The following FGD6 variants were observed in gnomAD, a reference collection of about 807,000 sequenced individuals.
FGD6 encodes the protein FYVE, RhoGEF and PH domain-containing protein 6.
A neutral mutation model predicts 149.4 loss-of-function variants in FGD6; 90 were observed. The observed-to-expected ratio is 0.60, with a 90% CI of 0.51 to 0.72. FGD6 has a LOEUF of 0.72. Among genes scored for constraint, FGD6 ranks in the 30% least tolerant of loss-of-function variants. The pLI is 0.00. For missense variants in FGD6, 1,437 were observed against 1,684.8 expected (o/e 0.85, Z 2.57); for synonymous variants, 527 against 584.0 (o/e 0.90, Z 1.41).
chr12:95,091,237 G>T (rs1878044600), intron 17 of FGD6, among the ~76,000 whole-genome samples: 1 of 152,194 alleles, frequency 6.6e-6, no homozygotes. Context: ...CAGGGAAATA[G>T]GAAGTATCAT....
chr12:95,171,324 G>A lies in FGD6; in HGVS notation c.2586+1276C>T, dbSNP rs564707589. Among the ~76,000 whole-genome samples the A allele has an allele frequency of 3.3e-5, 5 of 152,220 alleles. 1 individual carries two copies. Among genetic ancestry groups the A allele is most frequent in the African/African-American group, 1.2e-4 (5 of 41,542 alleles). ...TGGCACAGGAATTAGGCGAAATTAT[G>A]GCACATGAATTTTCTCCATGGCTTG... On this transcript the variant is annotated intron_variant, in intron 3 of 20. Transcript: ENST00000343958.
rs1158378434 is a variant in FGD6 at position 95,209,808 on chromosome 12, T to C, written c.1476A>G (p.Leu492=). The change falls in exon 2 of 21, where the codon CTA becomes CTG. Residue 492 remains leucine (L), a synonymous_variant. Coordinates refer to ENST00000343958, the MANE Select transcript of FGD6 (RefSeq NM_018351.4). ...TTTGAGGTTTTTTGGGGACAATTCG[T>C]AGAGAATTTTCCTCTTTTATAACAG... ...KESVIKEENS[L]RIVPKKPQRH... is the part of the protein sequence containing the mutation. 6.2e-6 allele frequency: 10 copies of C among 1,610,312 alleles called. No individual in the cohort carries two copies. The highest frequency in any genetic ancestry group is 7.6e-6 in the Non-Finnish European group (9 of 1,179,174).
intron 14 of FGD6, among the ~76,000 whole-genome samples, chr12:95,103,866 C>T (rs767631399): frequency 2.0e-5 from 3 of 152,150 alleles, no homozygotes; most frequent in African/African-American, 7.2e-5. Flanking sequence ...CAAAAGACTT[C>T]GATTTGCATC....
At chr12:95,123,288 T>C (rs4762391) in intron 8 of FGD6, among the ~76,000 whole-genome samples, 133,588 of 152,032 alleles carry the variant, frequency 0.88, 59,049 homozygotes, top group African/African-American at 0.97. Context: ...TCCAGCTACT[T>C]GGGAGGCTCA....
At chr12:95,174,768 A>T (rs1881081958) in intron 2 of FGD6, among the ~76,000 whole-genome samples, 1 of 151,966 alleles carries the variant, frequency 6.6e-6, no homozygotes, top group South Asian at 2.1e-4. Context: ...CTCTACTAAA[A>T]ATACAAAATA....
At chr12:95,101,587 T>C (rs1019305697) in intron 14 of FGD6, among the ~76,000 whole-genome samples, 5 of 152,188 alleles carry the variant, frequency 3.3e-5, no homozygotes, top group African/African-American at 4.8e-5. Flanking sequence ...CATTTCTGCC[T>C]TGGAATTTTG....
At chr12:95,206,809 A>G (rs909173591) in intron 2 of FGD6, among the ~76,000 whole-genome samples, 1 of 152,158 alleles carries the variant, frequency 6.6e-6, no homozygotes, top group African/African-American at 2.4e-5. Flanking sequence ...GCTGGCTGTG[A>G]GAAAAATTAG....
intron 14 of FGD6, among the ~76,000 whole-genome samples, chr12:95,096,580 C>A (rs573154157): frequency 6.6e-6 from 1 of 152,330 alleles, no homozygotes; most frequent in East Asian, 1.9e-4. Context: ...GCCAACTCTG[C>A]TAAATGCTTA....
chr12:95,080,900 T>C lies in FGD6; in HGVS notation c.*620A>G, dbSNP rs1380972777. The C allele has an allele frequency of 6.6e-6, 1 of 152,224 alleles. No homozygotes were observed. The highest frequency in any genetic ancestry group is 1.5e-5 in the Non-Finnish European group (1 of 68,034). The allele number at this position is 152,224 out of a possible 1,614,324, so 9.4% of individuals were successfully genotyped here. ...TCTCTTTGCTATAATTCTTTGATGA[T>C]GTAATATTAACTCCTGCCAAAGAGG... On this transcript the variant is annotated 3_prime_UTR_variant, in exon 21 of 21. Transcript: ENST00000343958.
chr12:95,158,329 G>A (rs538244874), intron 3 of FGD6, among the ~76,000 whole-genome samples: 2 of 150,696 alleles, frequency 1.3e-5, no homozygotes, highest in Admixed American at 1.3e-4. Context: ...CACCATGCAC[G>A]GCTAATTTTT....
chr12:95,124,079 A>C (rs1879267113), intron 8 of FGD6, among the ~76,000 whole-genome samples: 1 of 148,444 alleles, frequency 6.7e-6, no homozygotes, highest in Non-Finnish European at 1.5e-5. Flanking sequence ...ATGCATGGCT[A>C]ATTTTTTTTT....
At chr12:95,100,708 GC>G in intron 14 of FGD6, 1 of 535,574 alleles carries the variant, frequency 1.9e-6, no homozygotes, top group Non-Finnish European at 3.8e-6. Context: ...GAAGTTGACT[GC>G]CCTTGCAACA....
intron 2 of FGD6, among the ~76,000 whole-genome samples, chr12:95,205,483 T>C (rs2136301307): frequency 6.6e-6 from 1 of 152,302 alleles, no homozygotes; most frequent in Middle Eastern, 3.4e-3. Context: ...AAGACACCCT[T>C]GTGATGACCC....
At chr12:95,148,917 T>A (rs1253054134) in intron 5 of FGD6, among the ~76,000 whole-genome samples, 1 of 5,610 alleles carries the variant, frequency 1.8e-4, no homozygotes, top group African/African-American at 6.1e-4. Context: ...ATTATATATA[T>A]TATATAAGAT....
intron 8 of FGD6, chr12:95,126,156 G>A (rs1370550213): frequency 9.6e-7 from 1 of 1,043,976 alleles, no homozygotes; most frequent in East Asian, 2.4e-5. Context: ...GCTTCAAAAG[G>A]AAGCTCTCCT....
intron 2 of FGD6, among the ~76,000 whole-genome samples, chr12:95,188,956 G>C (rs1017772166): frequency 1.3e-5 from 2 of 152,082 alleles, no homozygotes; most frequent in African/African-American, 4.8e-5. Context: ...TACAGCAATA[G>C]TTTTTGGTCT....
rs928074372 is a variant in FGD6 at position 95,206,668 on chromosome 12, G to A, written c.2441+2175C>T. On this transcript the variant is annotated intron_variant, in intron 2 of 20. Transcript: ENST00000343958. The stretch of plus-strand genomic sequence containing the variant: ...TGACTATACAACTGTACTCCACCCT[G>A]GGAGACAGAGAGGGGACCCTGTCTC... Among the ~76,000 whole-genome samples, 96 of 151,022 alleles carry A rather than the reference G, an allele frequency of 6.4e-4. 2 individuals carry two copies. Among genetic ancestry groups the A allele is most frequent in the Non-Finnish European group, 2.9e-5 (2 of 67,824 alleles).
Position 95,094,659 on chromosome 12 carries a change from A to G in FGD6, c.3533T>C (p.Ile1178Thr). ...GGCATACTCTTCTATTGCCCTGGAAATCGCTTCTAGCCATTCATCCCTTTC... is the reference window on the plus strand; with the variant it reads ...GGCATACTCTTCTATTGCCCTGGAAGTCGCTTCTAGCCATTCATCCCTTTC... ...ATERDEWLEA[I>T]SRAIEEYAKK... The change falls in exon 15 of 21, where the codon ATT becomes ACT. Residue 1178 changes from isoleucine (I) to threonine (T), a missense_variant. Transcript: ENST00000343958. 2 of 1,613,880 alleles carry G rather than the reference A, an allele frequency of 1.2e-6. No homozygotes were observed. Among genetic ancestry groups the G allele is most frequent in the Non-Finnish European group, 1.7e-6 (2 of 1,179,982 alleles).
At chr12:95,186,225 CTTCTTTTTTTTTTTTTTTTTTTTTTTTTT>C (rs1245370197) in intron 2 of FGD6, among the ~76,000 whole-genome samples, 3 of 71,200 alleles carry the variant, frequency 4.2e-5, no homozygotes, top group African/African-American at 1.6e-4. Context: ...TTATATTCTT[CTTCTTTTTTTTTTTTTTTTTTTTTTTTTT>C]TTTTTTTTTT....
Sources: gnomAD v4.1 joint callset for allele counts (sites outside exome capture counted in the v4.1 genomes callset) on GRCh38, gnomAD v4.1.1 for gene constraint, MANE v1.5 for transcripts, NCBI Gene and HGNC (gene_info 2026-07-23, HGNC 2026-07-21) for gene names.